CNTNAP2: variants seen among roughly 807,000 people sequenced by gnomAD.
The protein encoded by CNTNAP2 is contactin-associated protein-like 2.
In CNTNAP2, 98 loss-of-function variants were observed where a neutral mutation model predicts 155.2. The observed-to-expected ratio is 0.63, with a 90% CI of 0.54 to 0.75. The LOEUF (loss-of-function observed/expected upper bound fraction) is 0.75, where lower values mean the gene tolerates loss of function less well. Among genes scored for constraint, CNTNAP2 ranks in the 30% least tolerant of loss-of-function variants. CNTNAP2 has a pLI of 0.00. For synonymous variants in CNTNAP2, 651 were observed against 631.2 expected (o/e 1.03, Z -0.47); for missense variants, 1,727 against 1,688.1 (o/e 1.02, Z -0.40).
intron 1 of CNTNAP2, among the ~76,000 whole-genome samples, chr7:146,693,242 G>A (rs968538575): frequency 6.6e-6 from 1 of 152,012 alleles, no homozygotes; most frequent in Non-Finnish European, 1.5e-5. Context: ...AGTGCTTCTA[G>A]AAATTTATGC....
intron 13 of CNTNAP2, among the ~76,000 whole-genome samples, chr7:147,796,935 G>A (rs1049747802): frequency 3.3e-5 from 5 of 152,110 alleles, no homozygotes; most frequent in African/African-American, 1.2e-4. Flanking sequence ...AACAAAGAGT[G>A]GGTCTTAGAC....
intron 1 of CNTNAP2, among the ~76,000 whole-genome samples, chr7:146,556,476 G>C (rs2129143632): frequency 6.6e-6 from 1 of 152,268 alleles, no homozygotes; most frequent in Admixed American, 6.5e-5. Context: ...AGCGTATTAT[G>C]ATAGGTGCCT....
chr7:148,065,878 C>T (rs1055441943), intron 15 of CNTNAP2, among the ~76,000 whole-genome samples: 13 of 152,034 alleles, frequency 8.6e-5, no homozygotes, highest in African/African-American at 3.1e-4. Context: ...GTATTGTATG[C>T]CCTGTGAGAT....
chr7:146,833,409 C>A (rs1443886535), intron 2 of CNTNAP2, among the ~76,000 whole-genome samples: 1 of 152,040 alleles, frequency 6.6e-6, no homozygotes, highest in African/African-American at 2.4e-5. Context: ...CTCTCATCTC[C>A]CCTGTTTTTT....
At chr7:148,271,875 T>G (rs533728485) in intron 21 of CNTNAP2, among the ~76,000 whole-genome samples, 2 of 152,300 alleles carry the variant, frequency 1.3e-5, no homozygotes, top group Admixed American at 6.5e-5. Context: ...TTGCAACTGA[T>G]ATGTACTCCG....
intron 1 of CNTNAP2, among the ~76,000 whole-genome samples, chr7:146,332,430 T>C (rs1001261850): frequency 6.6e-6 from 1 of 152,188 alleles, no homozygotes; most frequent in Non-Finnish European, 1.5e-5. Flanking sequence ...TTAACTATTA[T>C]GTGAGCAGTA....
intron 13 of CNTNAP2, among the ~76,000 whole-genome samples, chr7:147,874,178 G>T (rs868026725): frequency 1.3e-5 from 2 of 152,104 alleles, no homozygotes; most frequent in Non-Finnish European, 2.9e-5. Context: ...TCTGGAGGAC[G>T]GTGACGCTCT....
intron 1 of CNTNAP2, among the ~76,000 whole-genome samples, chr7:146,586,254 G>T (rs1798689670): frequency 6.6e-6 from 1 of 152,084 alleles, no homozygotes; most frequent in Non-Finnish European, 1.5e-5. Context: ...AAGAAGTGCT[G>T]CTTTCTTATG....
chr7:147,630,317 A>G (rs565923387), intron 12 of CNTNAP2, among the ~76,000 whole-genome samples: 1 of 37,446 alleles, frequency 2.7e-5, no homozygotes, highest in Non-Finnish European at 4.5e-5. Flanking sequence ...AAACAGTAGT[A>G]AAAAAAAAAA....
rs542382593 is a variant in CNTNAP2 at position 146,156,622 on chromosome 7, A to T, written c.97+39649A>T. On this transcript the variant is annotated intron_variant, in intron 1 of 23. Coordinates refer to ENST00000361727, the MANE Select transcript of CNTNAP2 (RefSeq NM_014141.6). ...TAACTGCTTTACAGCATTTTTTTTT[A>T]AATGGAGTCTCACTCTGTCACCAAG... 1.3e-4 allele frequency among the ~76,000 whole-genome samples: 19 copies of T among 149,296 alleles called. No homozygotes were observed. In the East Asian group the frequency reaches 3.2e-3, roughly 25 times the overall value.
chr7:147,737,178 T>C (rs1487981493), intron 13 of CNTNAP2, among the ~76,000 whole-genome samples: 2 of 152,198 alleles, frequency 1.3e-5, no homozygotes, highest in Non-Finnish European at 2.9e-5. Flanking sequence ...TGTTTGATGA[T>C]GGTGACGTAC....
At chr7:146,542,770 G>A (rs570290102) in intron 1 of CNTNAP2, among the ~76,000 whole-genome samples, 1 of 152,042 alleles carries the variant, frequency 6.6e-6, no homozygotes, top group Admixed American at 6.6e-5. Flanking sequence ...ATAAGCTGTT[G>A]AATTACATGA....
chr7:146,831,532 TG>T (rs1048167992), intron 2 of CNTNAP2, among the ~76,000 whole-genome samples: 75 of 151,788 alleles, frequency 4.9e-4, no homozygotes, highest in Non-Finnish European at 1.0e-3. Flanking sequence ...AAAAATTAAC[TG>T]GGCATGGTGG....
rs577048606 is a variant in CNTNAP2 at position 147,778,908 on chromosome 7, A to C, written c.2099-124657A>C. ...TCTTACTGGAACAAACCCATAGTTG[A>C]CCTCTTATAGTACTCTATGTGTGGA... On this transcript the variant is annotated intron_variant, in intron 13 of 23. Transcript: ENST00000361727. Among the ~76,000 whole-genome samples the C allele has an allele frequency of 1.1e-4, 16 of 152,276 alleles. 1 individual carries two copies. The South Asian group carries it at 2.1e-3, about 20-fold the overall frequency.
rs1226681385 is a variant in CNTNAP2 at position 146,151,635 on chromosome 7, GATATATATATATATATATAT to G, written c.97+34689_97+34708del. Reference sequence around the variant, plus strand: ...ACTGATGAATGGACAAAGAAAACGTGATATATATATATATATATATATATATATATATATATATATATATA... The same window carrying G: ...ACTGATGAATGGACAAAGAAAACGTGATATATATATATATATATATATATA... On this transcript the variant is annotated intron_variant, in intron 1 of 23. Coordinates refer to ENST00000361727, the MANE Select transcript of CNTNAP2 (RefSeq NM_014141.6). Among the ~76,000 whole-genome samples the G allele has an allele frequency of 3.0e-4, 11 of 36,400 alleles. 1 individual carries two copies. The highest frequency in any genetic ancestry group is 5.2e-4 in the African/African-American group (6 of 11,616). The allele number at this position is 36,400 out of a possible 152,430, so 23.9% of individuals were successfully genotyped here.
intron 1 of CNTNAP2, among the ~76,000 whole-genome samples, chr7:146,755,014 A>C (rs1005506612): frequency 2.6e-5 from 4 of 151,932 alleles, no homozygotes; most frequent in Non-Finnish European, 4.4e-5. Flanking sequence ...ATGGATTATT[A>C]GCCCAATTTA....
intron 1 of CNTNAP2, among the ~76,000 whole-genome samples, chr7:146,320,990 T>A (rs1450663217): frequency 6.6e-6 from 1 of 152,106 alleles, no homozygotes; most frequent in Non-Finnish European, 1.5e-5. Context: ...AGAGTTCTTA[T>A]CAGAAGCTCT....
intron 21 of CNTNAP2, among the ~76,000 whole-genome samples, chr7:148,354,838 C>T (rs1423756002): frequency 6.6e-6 from 1 of 152,132 alleles, no homozygotes; most frequent in Non-Finnish European, 1.5e-5. Flanking sequence ...CCTGAGCATG[C>T]CTGGGGACAG....
intron 21 of CNTNAP2, among the ~76,000 whole-genome samples, chr7:148,364,446 G>C (rs1279742752): frequency 1.3e-5 from 2 of 152,136 alleles, no homozygotes; most frequent in African/African-American, 4.8e-5. Context: ...CTCTGGTGAG[G>C]ACGTGGAGAA....
Sources: gnomAD v4.1 joint callset for allele counts (sites outside exome capture counted in the v4.1 genomes callset) on GRCh38, gnomAD v4.1.1 for gene constraint, MANE v1.5 for transcripts, NCBI Gene and HGNC (gene_info 2026-07-23, HGNC 2026-07-21) for gene names.